Variants in CFAP54 observed in about 807,000 individuals in gnomAD.
The protein encoded by CFAP54 is cilia- and flagella-associated protein 54.
A neutral mutation model predicts 370.4 loss-of-function variants in CFAP54; 290 were observed. The observed-to-expected ratio is 0.78, with a 90% CI of 0.71 to 0.86. CFAP54 has a LOEUF of 0.86. Among genes scored for constraint, CFAP54 ranks in the 40% least tolerant of loss-of-function variants. The pLI, the probability that CFAP54 is intolerant of heterozygous loss-of-function variation, is 0.00. For synonymous variants in CFAP54, 1,206 were observed against 1,236.5 expected (o/e 0.98, Z 0.52); for missense variants, 3,399 against 3,528.7 (o/e 0.96, Z 0.93).
At chr12:96,584,119 C>G (rs1778907955) in intron 22 of CFAP54, among the ~76,000 whole-genome samples, 1 of 152,076 alleles carries the variant, frequency 6.6e-6, no homozygotes, top group African/African-American at 2.4e-5. Context: ...AATCAAAACT[C>G]CTTTTATTAA....
intron 58 of CFAP54, among the ~76,000 whole-genome samples, chr12:96,760,839 C>CT (rs1289861441): frequency 2.6e-5 from 4 of 151,746 alleles, no homozygotes; most frequent in South Asian, 2.1e-4. Flanking sequence ...GGATATGCCA[C>CT]TTTTTTTTTC....
rs145400068 is a variant in CFAP54, at chr12:96,670,710, G to A, written c.5563+6778G>A. Among the ~76,000 whole-genome samples, 714 of 152,322 alleles carry A rather than the reference G, an allele frequency of 4.7e-3. 4 individuals are homozygous for A. Among genetic ancestry groups the A allele is most frequent in the African/African-American group, 0.016 (677 of 41,568 alleles). ...ATAAACAAGGCCAAGGCAAGAGACA[G>A]TGCTAAGGAAAAGGAAGCAGTCAAC... On this transcript the variant is annotated intron_variant, in intron 39 of 67. Coordinates refer to ENST00000524981, the MANE Select transcript of CFAP54 (RefSeq NM_001306084.2).
chr12:96,631,746 A>G (rs1956610959), intron 32 of CFAP54, among the ~76,000 whole-genome samples: 1 of 149,522 alleles, frequency 6.7e-6, no homozygotes, highest in Non-Finnish European at 1.5e-5. Flanking sequence ...ATATTGTATA[A>G]TAAATTTTTT....
chr12:96,507,081 T>C lies in CFAP54; in HGVS notation c.721T>C (p.Cys241Arg). ...MQVALPQEHL[C>R]WIIFNGTIYI... ...AGTGGCTCTGCCACAAGAGCATCTTTGCTGGATTATCTTCAATGGTATATG... is the reference window on the plus strand; with the variant it reads ...AGTGGCTCTGCCACAAGAGCATCTTCGCTGGATTATCTTCAATGGTATATG... The change falls in exon 4 of 68, where the codon TGC (cysteine) becomes CGC (arginine). Residue 241 changes from cysteine (C) to arginine (R), a missense_variant. Around this residue, in one of 3 missense-constraint regions of CFAP54, gnomAD observed 559 missense variants for 576.7 expected, o/e 0.97. Coordinates refer to ENST00000524981, the MANE Select transcript of CFAP54 (RefSeq NM_001306084.2). 6.5e-7 allele frequency: 1 copy of C among 1,532,082 alleles called. No homozygotes were observed. Among genetic ancestry groups the C allele is most frequent in the Middle Eastern group, 1.7e-4 (1 of 5,974 alleles). 94.9% of individuals were successfully genotyped at this position (1,532,082 alleles called of 1,614,324 possible).
intron 43 of CFAP54, among the ~76,000 whole-genome samples, chr12:96,689,780 T>A (rs1233436665): frequency 6.6e-6 from 1 of 152,140 alleles, no homozygotes; most frequent in Non-Finnish European, 1.5e-5. Context: ...TACAAGACAT[T>A]TTGAAATTCC....
chr12:96,625,681 A>G, intron 28 of CFAP54, 37 bp from the exon 29 acceptor site: 3 of 1,390,290 alleles, frequency 2.2e-6, no homozygotes, highest in Non-Finnish European at 2.9e-6. Context: ...TTGCGTTACT[A>G]AACAGAACAT....
chr12:96,825,443 G>A (rs1959083491), intron 65 of CFAP54, among the ~76,000 whole-genome samples: 2 of 111,878 alleles, frequency 1.8e-5, no homozygotes, highest in Non-Finnish European at 3.3e-5. Context: ...TATAATATAT[G>A]TTATATTATA....
intron 55 of CFAP54, among the ~76,000 whole-genome samples, chr12:96,744,909 C>G (rs1019213614): frequency 6.6e-6 from 1 of 152,116 alleles, no homozygotes; most frequent in Non-Finnish European, 1.5e-5. Flanking sequence ...TCCATGTGTT[C>G]TCATCATTCA....
intron 19 of CFAP54, among the ~76,000 whole-genome samples, chr12:96,570,341 G>A (rs547787554): frequency 8.0e-5 from 12 of 149,206 alleles, no homozygotes; most frequent in African/African-American, 2.5e-4. Context: ...AAATCAATGA[G>A]CCAACTTCTA....
intron 26 of CFAP54, among the ~76,000 whole-genome samples, chr12:96,611,549 C>T (rs1042270056): frequency 2.0e-4 from 31 of 152,290 alleles, no homozygotes; most frequent in East Asian, 5.8e-4. Flanking sequence ...ATGACTTTGA[C>T]GAGTTGAGAG....
chr12:96,821,848 T>C (rs1428048068), intron 65 of CFAP54, among the ~76,000 whole-genome samples: 17 of 152,162 alleles, frequency 1.1e-4, no homozygotes. Context: ...AATTCTGGTC[T>C]GGAATTGGAC....
intron 66 of CFAP54, among the ~76,000 whole-genome samples, chr12:96,841,864 A>G (rs1479241090): frequency 1.3e-5 from 2 of 152,238 alleles, no homozygotes; most frequent in African/African-American, 2.4e-5. Context: ...ACCTTGGACA[A>G]GTTATTTCCC....
intron 45 of CFAP54, among the ~76,000 whole-genome samples, chr12:96,696,773 A>C: frequency 6.6e-6 from 1 of 152,194 alleles, no homozygotes; most frequent in Non-Finnish European, 1.5e-5. Flanking sequence ...TGACAGAAGC[A>C]GTGAAAGAGG....
chr12:96,780,422 A>C (rs1958569849), intron 60 of CFAP54, among the ~76,000 whole-genome samples: 1 of 152,142 alleles, frequency 6.6e-6, no homozygotes, highest in Non-Finnish European at 1.5e-5. Flanking sequence ...AGTGTATCGA[A>C]AAAGACCCCT....
intron 6 of CFAP54, 71 bp from the exon 7 acceptor site, chr12:96,521,786 A>C: frequency 8.4e-7 from 1 of 1,187,966 alleles, no homozygotes; most frequent in South Asian, 1.5e-5. Context: ...TGGGAGAACA[A>C]AACATTGTCT....
chr12:96,816,765 T>C (rs1309073675), intron 64 of CFAP54, among the ~76,000 whole-genome samples: 3 of 152,056 alleles, frequency 2.0e-5, no homozygotes, highest in Non-Finnish European at 4.4e-5. Flanking sequence ...TAGTGTGGAG[T>C]CACTGGGGCC....
chr12:96,636,433 T>C (rs1018599035), intron 32 of CFAP54, among the ~76,000 whole-genome samples: 1 of 152,218 alleles, frequency 6.6e-6, no homozygotes, highest in African/African-American at 2.4e-5. Flanking sequence ...TACTCTCACA[T>C]TAACTTTTGA....
At chr12:96,661,557 C>T (rs1956994634) in intron 38 of CFAP54, among the ~76,000 whole-genome samples, 1 of 152,180 alleles carries the variant, frequency 6.6e-6, no homozygotes, top group Non-Finnish European at 1.5e-5. Context: ...AGGGAAGATC[C>T]AGCCAGTAGA....
chr12:96,547,568 C>G (rs1322374486), intron 14 of CFAP54, among the ~76,000 whole-genome samples: 1 of 152,008 alleles, frequency 6.6e-6, no homozygotes, highest in Non-Finnish European at 1.5e-5. Context: ...TGTTACGTTA[C>G]AAGATTTTTT....
Sources: gnomAD v4.1 joint callset for allele counts (sites outside exome capture counted in the v4.1 genomes callset) on GRCh38, gnomAD v4.1.1 for gene constraint, gnomAD v4.1.1 regional missense constraint, MANE v1.5 for transcripts, NCBI Gene and HGNC (gene_info 2026-07-23, HGNC 2026-07-21) for gene names.